The following REEP5 variants were observed in gnomAD, a reference collection of about 807,000 sequenced individuals.
REEP5 encodes receptor expression-enhancing protein 5.
A neutral mutation model predicts 22.4 loss-of-function variants in REEP5; 24 were observed. That is an observed-to-expected ratio of 1.07 (90% CI 0.78 to 1.51). The LOEUF (loss-of-function observed/expected upper bound fraction) is 1.51. REEP5 is among the 40% of genes most tolerant of loss of function. The pLI is 0.00. For missense variants in REEP5, 252 were observed against 233.0 expected (o/e 1.08, Z -0.53); for synonymous variants, 103 against 88.6 (o/e 1.16, Z -0.92).
intron 3 of REEP5, among the ~76,000 whole-genome samples, chr5:112,901,887 T>G (rs1270132351): frequency 1.4e-5 from 2 of 147,588 alleles, no homozygotes; most frequent in Non-Finnish European, 3.0e-5. Context: ...TGCTTGAACC[T>G]GGGGGGTGGA....
chr5:112,913,863 G>T (rs1451090148), intron 2 of REEP5, among the ~76,000 whole-genome samples: 1 of 152,032 alleles, frequency 6.6e-6, no homozygotes, highest in African/African-American at 2.4e-5. Flanking sequence ...TAGCAGCTTA[G>T]TCTCTAAGAC....
intron 3 of REEP5, 61 bp from the exon 4 acceptor site, chr5:112,887,244 A>G (rs1445895851): frequency 1.3e-5 from 19 of 1,425,550 alleles, no homozygotes; most frequent in Admixed American, 2.1e-5. Flanking sequence ...TTCTGAGAAT[A>G]CACACTGTCT....
intron 4 of REEP5, among the ~76,000 whole-genome samples, chr5:112,879,808 A>G (rs537864977): frequency 6.6e-6 from 1 of 152,116 alleles, no homozygotes; most frequent in South Asian, 2.1e-4. Context: ...GCCAGGCATA[A>G]TGACTCATGC....
At chr5:112,912,003 A>G (rs1324418140) in intron 2 of REEP5, among the ~76,000 whole-genome samples, 4 of 152,222 alleles carry the variant, frequency 2.6e-5, no homozygotes, top group African/African-American at 9.6e-5. Flanking sequence ...TTAAAGAACT[A>G]TGACTATGAT....
At chr5:112,899,819 T>A (rs570260744) in intron 3 of REEP5, among the ~76,000 whole-genome samples, 1 of 152,314 alleles carries the variant, frequency 6.6e-6, no homozygotes, top group Admixed American at 6.5e-5. Flanking sequence ...GTGTTTCGGG[T>A]TTCACATTTA....
At chr5:112,893,651 A>G (rs1446388017) in intron 3 of REEP5, 2 of 152,604 alleles carry the variant, frequency 1.3e-5, no homozygotes, top group Non-Finnish European at 2.9e-5. Context: ...AAAGACTCAG[A>G]CTAGCATCTA....
intron 1 of REEP5, 81 bp downstream of exon 1, chr5:112,921,992 T>C: frequency 6.7e-7 from 1 of 1,493,556 alleles, no homozygotes; most frequent in East Asian, 2.6e-5. Context: ...TCCCGAGTCC[T>C]CTCCCTGCTT....
rs970180213 is a variant in REEP5, at chr5:112,888,661, T to C, written c.352-1478A>G. 3.5e-4 allele frequency among the ~76,000 whole-genome samples: 52 copies of C among 147,300 alleles called. 3 individuals carry two copies. Among genetic ancestry groups the C allele is most frequent in the African/African-American group, 1.4e-3 (52 of 38,334 alleles). On this transcript the variant is annotated intron_variant, in intron 3 of 4. Transcript: ENST00000379638. Reference sequence around the variant, plus strand: ...CAGACTCCCCTTATCTCAACTACAGTAAAAAGTAACTCTTGAAATGTAACC... The same window carrying C: ...CAGACTCCCCTTATCTCAACTACAGCAAAAAGTAACTCTTGAAATGTAACC...
chr5:112,882,680 C>CT (rs1486343033), intron 4 of REEP5, among the ~76,000 whole-genome samples: 4 of 152,220 alleles, frequency 2.6e-5, no homozygotes, highest in African/African-American at 9.6e-5. Context: ...GTGTCCATGG[C>CT]TGTTTTCACA....
intron 3 of REEP5, chr5:112,896,445 T>A (rs1229577409): frequency 6.6e-6 from 1 of 151,300 alleles, no homozygotes; most frequent in African/African-American, 2.4e-5. Flanking sequence ...ATTGCTTGAA[T>A]GCGGGAAGTA....
Position 112,887,042 on chromosome 5 carries a change from CTT to C in REEP5, c.491_492del (p.Lys164ArgfsTer8). On this transcript the variant is annotated frameshift_variant, in exon 4 of 5. Transcript: ENST00000379638. LOFTEE classifies it high-confidence loss of function. ...TCTTTAGTGATGGCATCTGCAGTCT[CTT>C]TGGCCTTGTCTTTAAGGTCCTTGAC... ...SVVKDLKDKA[K>X]ETADAITKEA... The C allele has an allele frequency of 2.5e-6, 4 of 1,612,692 alleles. No individual in the cohort carries two copies. Among genetic ancestry groups the C allele is most frequent in the Non-Finnish European group, 2.5e-6 (3 of 1,179,058 alleles).
At chr5:112,885,170 A>T in intron 4 of REEP5, 1 of 171,360 alleles carries the variant, frequency 5.8e-6, no homozygotes, top group Middle Eastern at 1.7e-3. Flanking sequence ...TCATGGTGCC[A>T]GCCCAGAGAG....
chr5:112,910,821 C>T (rs1769087431), intron 2 of REEP5, among the ~76,000 whole-genome samples: 1 of 152,204 alleles, frequency 6.6e-6, no homozygotes, highest in South Asian at 2.1e-4. Flanking sequence ...GCCAGTCCTT[C>T]CTACTCACCC....
chr5:112,880,921 G>A (rs946610388), intron 4 of REEP5, among the ~76,000 whole-genome samples: 1 of 152,092 alleles, frequency 6.6e-6, no homozygotes, highest in African/African-American at 2.4e-5. Flanking sequence ...TTGAGGCCAG[G>A]AGTTTGAAAC....
chr5:112,893,668 T>G (rs1768576888), intron 3 of REEP5: 1 of 152,516 alleles, frequency 6.6e-6, no homozygotes, highest in Non-Finnish European at 1.5e-5. Flanking sequence ...TCTAGTAGTC[T>G]CGCTACACAT....
chr5:112,881,174 G>A (rs2150033702), intron 4 of REEP5, among the ~76,000 whole-genome samples: 1 of 150,358 alleles, frequency 6.7e-6, no homozygotes, highest in East Asian at 1.9e-4. Flanking sequence ...AAAGTGGGAG[G>A]AGGTTAAGGC....
At chr5:112,905,194 C>G (rs1191392372) in intron 2 of REEP5, among the ~76,000 whole-genome samples, 1 of 151,990 alleles carries the variant, frequency 6.6e-6, no homozygotes, top group African/African-American at 2.4e-5. Context: ...ACGTGAGGTT[C>G]AAAAAAGTGA....
At chr5:112,891,624 A>G (rs1768451654) in intron 3 of REEP5, 1 of 1,588,188 alleles carries the variant, frequency 6.3e-7, no homozygotes, top group Non-Finnish European at 8.6e-7. Flanking sequence ...CTGAGGGGTC[A>G]GGCGGTGCTG....
At chr5:112,883,584 T>A (rs544427853) in intron 4 of REEP5, among the ~76,000 whole-genome samples, 7 of 152,328 alleles carry the variant, frequency 4.6e-5, no homozygotes, top group African/African-American at 1.7e-4. Context: ...GTTTCCTAAC[T>A]ACACTACCTT....
Sources: allele counts gnomAD v4.1 joint callset (sites outside exome capture counted in the v4.1 genomes callset), GRCh38; gene constraint gnomAD v4.1.1; transcripts MANE v1.5; gene names NCBI Gene and HGNC (gene_info 2026-07-23, HGNC 2026-07-21).